Variants in FSTL5 observed in about 807,000 individuals in gnomAD.
FSTL5 encodes the protein follistatin like 5.
A neutral mutation model predicts 89.1 loss-of-function variants in FSTL5; 62 were observed. That is an observed-to-expected ratio of 0.70 (90% CI 0.57 to 0.86). The LOEUF (loss-of-function observed/expected upper bound fraction) is 0.86, where lower values mean the gene tolerates loss of function less well. Among genes scored for constraint, FSTL5 ranks in the 40% least tolerant of loss-of-function variants. The pLI is 0.00. For synonymous variants in FSTL5, 383 were observed against 346.2 expected (o/e 1.11, Z -1.18); for missense variants, 1,057 against 1,001.6 (o/e 1.06, Z -0.75).
Position 161,803,554 on chromosome 4 carries a change from T to G in FSTL5, c.410-27480A>C, listed in dbSNP as rs534122688. Among the ~76,000 whole-genome samples the G allele has an allele frequency of 1.2e-4, 19 of 152,088 alleles. No homozygotes were observed. The South Asian group carries it at 3.9e-3, about 31-fold the overall frequency. On this transcript the variant is annotated intron_variant, in intron 4 of 15. Transcript: ENST00000306100. ...TAACTAGATGTTTATTAGTTTCCAA[T>G]TGCTGACCTACAAATTATTGCTAGC...
intron 3 of FSTL5, among the ~76,000 whole-genome samples, chr4:162,000,068 G>T (rs1057337829): frequency 3.3e-5 from 5 of 152,076 alleles, no homozygotes; most frequent in African/African-American, 9.7e-5. Context: ...TTGCTTAAGG[G>T]CTATCAGGAG....
At chr4:161,972,630 G>T (rs1735516890) in intron 3 of FSTL5, among the ~76,000 whole-genome samples, 1 of 152,158 alleles carries the variant, frequency 6.6e-6, no homozygotes. Flanking sequence ...AACTGAGCCA[G>T]TAAGTGGATC....
Position 161,826,787 on chromosome 4 carries a change from G to A in FSTL5, c.410-50713C>T, listed in dbSNP as rs1178016188. Among the ~76,000 whole-genome samples, 26 of 152,064 alleles carry A rather than the reference G, an allele frequency of 1.7e-4. 1 individual carries two copies. Among genetic ancestry groups the A allele is most frequent in the Admixed American group, 1.7e-3 (26 of 15,258 alleles). ...ACCTTAAGTTAATGTGAGTCCTTAT[G>A]TGTCAGGTGAGTCTCAAAGACAGTA... On this transcript the variant is annotated intron_variant, in intron 4 of 15. Coordinates refer to ENST00000306100, the MANE Select transcript of FSTL5 (RefSeq NM_020116.5).
At chr4:161,851,189 C>T (rs1443208876) in intron 4 of FSTL5, among the ~76,000 whole-genome samples, 1 of 152,062 alleles carries the variant, frequency 6.6e-6, no homozygotes, top group Non-Finnish European at 1.5e-5. Context: ...ATCCTTAGGC[C>T]ATGATAATTA....
At chr4:161,977,639 A>AAAAAAAAAAAAATAAT (rs1553988132) in intron 3 of FSTL5, among the ~76,000 whole-genome samples, 1 of 101,244 alleles carries the variant, frequency 9.9e-6, no homozygotes, top group Non-Finnish European at 1.9e-5. Context: ...AAAAAAAAAA[A>AAAAAAAAAAAAATAAT]AATAATAATA....
At chr4:162,022,866 A>C (rs989014136) in intron 3 of FSTL5, 3 of 152,194 alleles carry the variant, frequency 2.0e-5, no homozygotes, top group African/African-American at 7.2e-5. Context: ...AGTAGGGACT[A>C]AAAAATGTGT....
intron 2 of FSTL5, among the ~76,000 whole-genome samples, chr4:162,034,755 T>C (rs1254685688): frequency 2.0e-5 from 3 of 151,920 alleles, no homozygotes; most frequent in East Asian, 3.9e-4. Context: ...GGCAAAAGAG[T>C]AGGAAAATAT....
At chr4:162,033,492 T>G (rs1737615179) in intron 3 of FSTL5, 133 bp downstream of exon 3, 1 of 572,982 alleles carries the variant, frequency 1.7e-6, no homozygotes, top group Non-Finnish European at 3.0e-6. Flanking sequence ...AAAATGGCTG[T>G]AAAATCACAC....
At chr4:161,937,072 G>A (rs569149187) in intron 3 of FSTL5, among the ~76,000 whole-genome samples, 4 of 152,154 alleles carry the variant, frequency 2.6e-5, no homozygotes, top group African/African-American at 9.6e-5. Context: ...CCTCTAACAT[G>A]AAAGATAAGA....
intron 15 of FSTL5, among the ~76,000 whole-genome samples, chr4:161,427,772 T>C (rs1471543524): frequency 6.6e-6 from 1 of 152,102 alleles, no homozygotes; most frequent in African/African-American, 2.4e-5. Flanking sequence ...TGACAAATGG[T>C]ACACAGAAAC....
At chr4:161,586,005 C>T (rs1733603171) in intron 8 of FSTL5, among the ~76,000 whole-genome samples, 2 of 152,196 alleles carry the variant, frequency 1.3e-5, no homozygotes. Context: ...AAACCAAGAA[C>T]TAGATCTGCT....
At chr4:161,500,919 A>T (rs1403687833) in intron 11 of FSTL5, among the ~76,000 whole-genome samples, 1 of 152,040 alleles carries the variant, frequency 6.6e-6, no homozygotes, top group Non-Finnish European at 1.5e-5. Flanking sequence ...CCACATACTC[A>T]TGAACACCTG....
chr4:161,973,737 T>A (rs1449444796), intron 3 of FSTL5, among the ~76,000 whole-genome samples: 1 of 152,154 alleles, frequency 6.6e-6, no homozygotes, highest in Non-Finnish European at 1.5e-5. Flanking sequence ...GGAAAAATCT[T>A]AACTCTGTGT....
chr4:162,121,440 C>A (rs1223519011), intron 1 of FSTL5, among the ~76,000 whole-genome samples: 1 of 151,986 alleles, frequency 6.6e-6, no homozygotes, highest in Non-Finnish European at 1.5e-5. Flanking sequence ...AGGTGCATTA[C>A]ATATTGACTG....
intron 7 of FSTL5, among the ~76,000 whole-genome samples, chr4:161,599,368 A>G (rs1429483064): frequency 1.3e-5 from 2 of 152,178 alleles, no homozygotes; most frequent in Non-Finnish European, 2.9e-5. Flanking sequence ...GGCAAAACCA[A>G]TCTGTAAAAT....
intron 4 of FSTL5, among the ~76,000 whole-genome samples, chr4:161,898,435 G>A (rs1480415000): frequency 1.3e-5 from 2 of 151,840 alleles, no homozygotes; most frequent in Non-Finnish European, 2.9e-5. Context: ...GATATGGTAA[G>A]ATTACGCTTA....
intron 6 of FSTL5, among the ~76,000 whole-genome samples, chr4:161,730,500 A>T (rs1249113932): frequency 2.0e-5 from 3 of 152,190 alleles, no homozygotes; most frequent in African/African-American, 7.2e-5. Flanking sequence ...ATATACTTTA[A>T]TGCTGCATAA....
At chr4:161,844,301 G>A (rs1333987011) in intron 4 of FSTL5, among the ~76,000 whole-genome samples, 1 of 152,188 alleles carries the variant, frequency 6.6e-6, no homozygotes, top group Non-Finnish European at 1.5e-5. Context: ...TGGAGAAGAT[G>A]TGGAGAAATA....
chr4:161,653,630 GTTGT>G (rs1323216476), intron 7 of FSTL5, among the ~76,000 whole-genome samples: 1 of 152,090 alleles, frequency 6.6e-6, no homozygotes, highest in African/African-American at 2.4e-5. Flanking sequence ...ATATATATAT[GTTGT>G]TTATTTACAC....
Sources: gnomAD v4.1 joint callset for allele counts (sites outside exome capture counted in the v4.1 genomes callset) on GRCh38, gnomAD v4.1.1 for gene constraint, MANE v1.5 for transcripts, NCBI Gene and HGNC (gene_info 2026-07-23, HGNC 2026-07-21) for gene names.